Variants in CSMD1 observed in about 807,000 individuals in gnomAD.
The protein encoded by CSMD1 is CUB and Sushi multiple domains 1.
In CSMD1, 213 loss-of-function variants were observed where a neutral mutation model predicts 417.5. The ratio of observed to expected loss-of-function variants is 0.51; its 90% CI spans 0.46 to 0.57. The LOEUF is 0.57. Among genes scored for constraint, CSMD1 ranks in the 20% least tolerant of loss-of-function variants. The pLI is 0.00. For missense variants in CSMD1, 6,923 were observed against 4,529.7 expected, an observed-to-expected ratio of 1.53 and a Z score of -15.17; for synonymous variants, 2,862 against 1,736.8, an observed-to-expected ratio of 1.65 and a Z score of -16.11.
At chr8:4,601,398 C>A (rs1164242719) in intron 2 of CSMD1, among the ~76,000 whole-genome samples, 1 of 152,156 alleles carries the variant, frequency 6.6e-6, no homozygotes, top group Non-Finnish European at 1.5e-5. Flanking sequence ...GCATAACTTG[C>A]ATTAGGATAG....
chr8:4,909,757 T>A (rs978186359), intron 1 of CSMD1, among the ~76,000 whole-genome samples: 5 of 152,186 alleles, frequency 3.3e-5, no homozygotes, highest in South Asian at 2.1e-4. Context: ...ATAGCTCCTA[T>A]AGTCTCTGAT....
intron 5 of CSMD1, among the ~76,000 whole-genome samples, chr8:3,957,072 G>C (rs1189551550): frequency 6.6e-6 from 1 of 152,092 alleles, no homozygotes; most frequent in Non-Finnish European, 1.5e-5. Flanking sequence ...AAAAACGCCG[G>C]GGGAGGCTCT....
chr8:4,069,525 T>C (rs1389511786), intron 3 of CSMD1, among the ~76,000 whole-genome samples: 1 of 152,158 alleles, frequency 6.6e-6, no homozygotes, highest in African/African-American at 2.4e-5. Flanking sequence ...TGATCGATGA[T>C]TTGTTCTTAC....
chr8:3,549,708 G>C (rs962598618), intron 10 of CSMD1, among the ~76,000 whole-genome samples: 21 of 152,172 alleles, frequency 1.4e-4, no homozygotes, highest in African/African-American at 4.8e-4. Flanking sequence ...TGCTGCCTTG[G>C]GCCTCTACAG....
At chr8:3,990,737 C>T (rs1814679440) in intron 5 of CSMD1, among the ~76,000 whole-genome samples, 1 of 152,182 alleles carries the variant, frequency 6.6e-6, no homozygotes, top group South Asian at 2.1e-4. Flanking sequence ...TCGATGGCTT[C>T]TCAGAGTTGC....
At chr8:3,364,041 T>C (rs1238842387) in intron 20 of CSMD1, among the ~76,000 whole-genome samples, 1 of 152,140 alleles carries the variant, frequency 6.6e-6, no homozygotes, top group Non-Finnish European at 1.5e-5. Context: ...ATAAACTCGA[T>C]TAACAGGAAA....
intron 1 of CSMD1, among the ~76,000 whole-genome samples, chr8:4,780,110 T>C (rs1326560991): frequency 6.6e-6 from 1 of 152,220 alleles, no homozygotes; most frequent in African/African-American, 2.4e-5. Context: ...TTTTGTATTT[T>C]AGCAACATTT....
chr8:4,283,823 T>C lies in CSMD1; in HGVS notation c.415+136130A>G, dbSNP rs11985235. Among the ~76,000 whole-genome samples the C allele has an allele frequency of 6.6e-3, 1,005 of 152,272 alleles. 6 individuals carry two copies. The highest frequency in any genetic ancestry group is 0.022 in the African/African-American group (933 of 41,568). On this transcript the variant is annotated intron_variant, in intron 3 of 69. Transcript: ENST00000635120. ...TCCGCTTTACCCACCTATAAAATCC[T>C]ACTCTGCCCCAGAAGCATGGCTAAC...
chr8:3,386,667 A>G (rs1412067970), intron 18 of CSMD1, among the ~76,000 whole-genome samples: 3 of 152,182 alleles, frequency 2.0e-5, no homozygotes, highest in African/African-American at 4.8e-5. Context: ...TGTAAATGAA[A>G]TATTTTTGCT....
chr8:2,974,681 T>G, intron 55 of CSMD1, 57 bp from the exon 56 acceptor site: 3 of 1,353,530 alleles, frequency 2.2e-6, no homozygotes, highest in South Asian at 1.5e-5. Context: ...CACTTTGTAT[T>G]GGAAAATCTC....
chr8:4,986,004 G>C (rs1811160207), intron 1 of CSMD1, among the ~76,000 whole-genome samples: 1 of 152,144 alleles, frequency 6.6e-6, no homozygotes, highest in South Asian at 2.1e-4. Flanking sequence ...TTTTTGTGAA[G>C]TGCCGATCAT....
chr8:4,389,296 G>A (rs997142593), intron 3 of CSMD1, among the ~76,000 whole-genome samples: 2 of 152,064 alleles, frequency 1.3e-5, no homozygotes, highest in Non-Finnish European at 2.9e-5. Context: ...TAGAAAATGC[G>A]ATCATATAAC....
chr8:4,956,026 G>A (rs1157261107), intron 1 of CSMD1, among the ~76,000 whole-genome samples: 2 of 152,164 alleles, frequency 1.3e-5, no homozygotes, highest in Non-Finnish European at 2.9e-5. Flanking sequence ...GACTGCTCCA[G>A]TCACGTGCTC....
In CSMD1 at chr8:3,748,267, G is replaced by T. The variant is rs73496892; in HGVS notation, c.931+5663C>A. Among the ~76,000 whole-genome samples, 710 of 152,160 alleles carry T rather than the reference G, an allele frequency of 4.7e-3. 3 individuals are homozygous for T. The highest frequency in any genetic ancestry group is 0.016 in the African/African-American group (670 of 41,528). Reference sequence around the variant, plus strand: ...TTAAAAACTATTTTTTTTCATGGAGGTTTAGTGGTTTTAAGAATTATTTAA... The same window carrying T: ...TTAAAAACTATTTTTTTTCATGGAGTTTTAGTGGTTTTAAGAATTATTTAA... On this transcript the variant is annotated intron_variant, in intron 6 of 69. Transcript: ENST00000635120.
chr8:3,734,310 C>A (rs1167806231), intron 6 of CSMD1, among the ~76,000 whole-genome samples: 1 of 152,210 alleles, frequency 6.6e-6, no homozygotes, highest in Non-Finnish European at 1.5e-5. Flanking sequence ...TCTGCTGCAT[C>A]TTATTTATTA....
intron 3 of CSMD1, among the ~76,000 whole-genome samples, chr8:4,075,714 T>C (rs536681945): frequency 4.6e-5 from 7 of 152,322 alleles, no homozygotes; most frequent in Non-Finnish European, 8.8e-5. Flanking sequence ...ATTGTCAATG[T>C]AGAAACGGTT....
chr8:4,189,209 G>C (rs1273224731), intron 3 of CSMD1, among the ~76,000 whole-genome samples: 2 of 152,188 alleles, frequency 1.3e-5, no homozygotes, highest in African/African-American at 4.8e-5. Context: ...AAACTCATGT[G>C]TGTTTATGCC....
At chr8:3,251,513 G>C (rs1054427279) in intron 26 of CSMD1, among the ~76,000 whole-genome samples, 34 of 152,150 alleles carry the variant, frequency 2.2e-4, no homozygotes, top group African/African-American at 8.0e-4. Context: ...CTCCAGCTTT[G>C]TTCTCTTGGC....
At chr8:4,884,802 C>A (rs1433449908) in intron 1 of CSMD1, among the ~76,000 whole-genome samples, 2 of 152,050 alleles carry the variant, frequency 1.3e-5, no homozygotes, top group Admixed American at 6.5e-5. Flanking sequence ...AGCATGAGTT[C>A]TCTAACTTTA....
Sources: gnomAD v4.1 joint callset for allele counts (sites outside exome capture counted in the v4.1 genomes callset) on GRCh38, gnomAD v4.1.1 for gene constraint, MANE v1.5 for transcripts, NCBI Gene and HGNC (gene_info 2026-07-23, HGNC 2026-07-21) for gene names.